Variants in SLC1A1 observed in about 807,000 individuals in gnomAD.
SLC1A1 encodes solute carrier family 1 member 1.
A neutral mutation model predicts 53.3 loss-of-function variants in SLC1A1; 43 were observed. The observed-to-expected ratio is 0.81, with a 90% CI of 0.63 to 1.04. SLC1A1 has a LOEUF of 1.04. Among genes scored for constraint, SLC1A1 ranks in the 50% least tolerant of loss-of-function variants. The pLI is 0.00. For missense variants in SLC1A1, 748 were observed against 664.9 expected, an observed-to-expected ratio of 1.12 and a Z score of -1.37; for synonymous variants, 307 against 243.2, an observed-to-expected ratio of 1.26 and a Z score of -2.44.
chr9:4,552,925 T>C (rs543741493), intron 2 of SLC1A1, among the ~76,000 whole-genome samples: 2 of 151,946 alleles, frequency 1.3e-5, no homozygotes, highest in Non-Finnish European at 2.9e-5. Context: ...TACGCAGATA[T>C]GAACACACTG....
At chr9:4,496,622 T>C (rs1469051867) in intron 1 of SLC1A1, among the ~76,000 whole-genome samples, 2 of 152,084 alleles carry the variant, frequency 1.3e-5, no homozygotes, top group African/African-American at 2.4e-5. Flanking sequence ...CAGCTGAGCA[T>C]GGTGACTCAT....
intron 1 of SLC1A1, among the ~76,000 whole-genome samples, chr9:4,532,974 G>C (rs112288535): frequency 2.0e-5 from 3 of 152,122 alleles, no homozygotes; most frequent in Non-Finnish European, 2.9e-5. Flanking sequence ...AGCTTCATAA[G>C]TGAAGGAGAA....
chr9:4,583,159 G>A lies in SLC1A1; in HGVS notation c.1315G>A (p.Val439Ile). 1.2e-6 allele frequency: 2 copies of A among 1,614,218 alleles called. No individual in the cohort carries two copies. Among genetic ancestry groups the A allele is most frequent in the Non-Finnish European group, 1.7e-6 (2 of 1,180,048 alleles). Residue 439 changes from valine (V) to isoleucine (I), a missense_variant, in exon 11 of 12, where the codon GTC (valine) becomes ATC (isoleucine). By Grantham distance (29) the Val-to-Ile change is conservative (BLOSUM62 3). Transcript: ENST00000262352. The surrounding 1 kb of genome is among the most constrained non-coding windows in gnomAD (Gnocchi z 4.6). ...PAEDVTLIIA[V>I]DWLLDRFRTM... is the part of the protein sequence containing the mutation. ...CGAGGATGTCACCCTGATCATTGCT[G>A]TCGACTGGCTCCTGTGAGTTGGAAT... is the stretch of plus-strand genomic sequence containing the variant.
chr9:4,497,951 G>A (rs1820495500), intron 1 of SLC1A1, among the ~76,000 whole-genome samples: 1 of 152,084 alleles, frequency 6.6e-6, no homozygotes, highest in Admixed American at 6.6e-5. Context: ...TGGACTATCT[G>A]GTATGATCTT....
intron 2 of SLC1A1, chr9:4,554,362 G>A (rs1019049449): frequency 3.9e-5 from 6 of 152,214 alleles, no homozygotes; most frequent in Non-Finnish European, 7.3e-5. Context: ...AGATAGCTAG[G>A]TCTCCTGCCT....
chr9:4,536,983 A>T (rs1388689123), intron 1 of SLC1A1, among the ~76,000 whole-genome samples: 1 of 152,128 alleles, frequency 6.6e-6, no homozygotes, highest in African/African-American at 2.4e-5. Context: ...CACAGGTGGG[A>T]ATTGAACAAT....
intron 1 of SLC1A1, among the ~76,000 whole-genome samples, chr9:4,543,984 G>C (rs147653434): frequency 1.8e-3 from 268 of 152,206 alleles, no homozygotes; most frequent in African/African-American, 5.9e-3. Flanking sequence ...TTCGAGACCA[G>C]CCTGGGCAAC....
chr9:4,504,913 C>G (rs1820747803), intron 1 of SLC1A1, among the ~76,000 whole-genome samples: 1 of 152,022 alleles, frequency 6.6e-6, no homozygotes, highest in Admixed American at 6.6e-5. Context: ...GCAAGATTGA[C>G]CAAAACAAGT....
At chr9:4,507,999 C>T (rs549580109) in intron 1 of SLC1A1, among the ~76,000 whole-genome samples, 2 of 152,142 alleles carry the variant, frequency 1.3e-5, no homozygotes, top group South Asian at 4.2e-4. Flanking sequence ...AAAAGGTGTA[C>T]CCTTCAAGCA....
At chr9:4,568,143 G>A (rs1247286596) in intron 6 of SLC1A1, among the ~76,000 whole-genome samples, 2 of 152,072 alleles carry the variant, frequency 1.3e-5, no homozygotes, top group African/African-American at 4.8e-5. Context: ...ACCAAGGTGG[G>A]GTTCAGTGAC....
intron 1 of SLC1A1, among the ~76,000 whole-genome samples, chr9:4,511,944 G>A (rs953741960): frequency 6.6e-6 from 1 of 152,112 alleles, no homozygotes; most frequent in Non-Finnish European, 1.5e-5. Context: ...AACTGAAAAT[G>A]GAAATTTAAA....
intron 9 of SLC1A1, among the ~76,000 whole-genome samples, 178 bp downstream of exon 9, chr9:4,576,301 C>T (rs1004137491): frequency 6.6e-6 from 1 of 152,250 alleles, no homozygotes; most frequent in African/African-American, 2.4e-5. Context: ...ATTTCCTGCT[C>T]TCTTGGCATG....
Position 4,519,102 on chromosome 9 carries a change from C to G in SLC1A1, c.92-25465C>G, listed in dbSNP as rs536881038. 2.0e-5 allele frequency among the ~76,000 whole-genome samples: 3 copies of G among 152,290 alleles called. No individual in the cohort carries two copies. The East Asian group carries it at 5.8e-4, about 29-fold the overall frequency. On this transcript the variant is annotated intron_variant, in intron 1 of 11. Transcript: ENST00000262352. ...GTTTGCAGGACTGTTTATTAGACAA[C>G]TACAAACGGAGCTGAAATAAAACTT...
chr9:4,551,733 G>C (rs1391447047), intron 2 of SLC1A1, among the ~76,000 whole-genome samples: 3 of 152,202 alleles, frequency 2.0e-5, no homozygotes, highest in African/African-American at 7.2e-5. Context: ...TACAGTCTGA[G>C]AGTGAACTTC....
intron 2 of SLC1A1, chr9:4,554,484 G>C (rs1249307553): frequency 6.6e-6 from 1 of 152,264 alleles, no homozygotes; most frequent in Admixed American, 6.5e-5. Context: ...GGACACCCTG[G>C]TTTAGGGTGG....
intron 1 of SLC1A1, among the ~76,000 whole-genome samples, chr9:4,509,409 T>C (rs571592035): frequency 2.1e-4 from 32 of 151,910 alleles, no homozygotes; most frequent in Non-Finnish European, 4.0e-4. Context: ...CAGGGATGAA[T>C]AACTGGGAAG....
At chr9:4,584,054 C>T (rs1325889897) in intron 11 of SLC1A1, among the ~76,000 whole-genome samples, 1 of 152,202 alleles carries the variant, frequency 6.6e-6, no homozygotes, top group Non-Finnish European at 1.5e-5. Flanking sequence ...CTGGCTCTGT[C>T]CCCTGGCATT....
intron 1 of SLC1A1, among the ~76,000 whole-genome samples, chr9:4,544,363 A>C (rs1817278398): frequency 6.6e-6 from 1 of 152,210 alleles, no homozygotes; most frequent in Non-Finnish European, 1.5e-5. Context: ...AATACTTTTT[A>C]CAGATTTACT....
intron 2 of SLC1A1, among the ~76,000 whole-genome samples, chr9:4,545,009 A>G (rs1817351310): frequency 6.6e-6 from 1 of 152,210 alleles, no homozygotes; most frequent in African/African-American, 2.4e-5. Context: ...AACTGCCACT[A>G]TGATTCAATT....
Sources: gnomAD v4.1 joint callset for allele counts (sites outside exome capture counted in the v4.1 genomes callset) on GRCh38, gnomAD v4.1.1 for gene constraint, Gnocchi (gnomAD v3.1) non-coding constraint, MANE v1.5 for transcripts, NCBI Gene and HGNC (gene_info 2026-07-23, HGNC 2026-07-21) for gene names.